The following ARHGEF6 variants were observed in gnomAD, a reference collection of about 807,000 sequenced individuals.
ARHGEF6 encodes Rac/Cdc42 guanine nucleotide exchange factor 6, also known as rho guanine nucleotide exchange factor 6.
In ARHGEF6, 9 loss-of-function variants were observed where a neutral mutation model predicts 70.3. The observed-to-expected ratio is 0.13, with a 90% CI of 0.08 to 0.22. The LOEUF is 0.22. Among genes scored for constraint, ARHGEF6 ranks in the 10% least tolerant of loss-of-function variants. ARHGEF6 has a pLI of 1.00. For missense variants in ARHGEF6, 470 were observed against 563.0 expected, an observed-to-expected ratio of 0.83 and a Z score of 1.67; for synonymous variants, 201 against 207.8, an observed-to-expected ratio of 0.97 and a Z score of 0.28.
At chrX:136,691,701 T>G (rs2076459994) in intron 9 of ARHGEF6, among the ~76,000 whole-genome samples, 1 of 111,876 alleles carries the variant, frequency 8.9e-6, no homozygotes, top group African/African-American at 3.2e-5. Flanking sequence ...ACTGCCTTAG[T>G]TCAGGATTTC....
At chrX:136,686,657 TAC>T (rs1211656819) in intron 11 of ARHGEF6, among the ~76,000 whole-genome samples, 1 of 81,855 alleles carries the variant, frequency 1.2e-5, no homozygotes, top group African/African-American at 4.7e-5. Context: ...CATATATATA[TAC>T]ACATGTGTAT....
chrX:136,745,181 T>G (rs767470250), intron 4 of ARHGEF6, 42 bp downstream of exon 4: 20 of 1,203,676 alleles, frequency 1.7e-5, no homozygotes, highest in Middle Eastern at 2.3e-4. Context: ...AATCTAATTT[T>G]ATGGATTTTA....
At position 136,772,936 on chromosome X, in the gene ARHGEF6, G is replaced by C. The variant is rs568354382; in HGVS notation, c.249+6478C>G. Reference sequence around the variant, plus strand: ...ATCAAGAAGGTGGTGGGGTGCTTCCGAGAGCACTTTGTTCCCAGATGTCTC... The same window carrying C: ...ATCAAGAAGGTGGTGGGGTGCTTCCCAGAGCACTTTGTTCCCAGATGTCTC... On this transcript the variant is annotated intron_variant, in intron 2 of 21. Transcript: ENST00000250617. 8.7e-4 allele frequency among the ~76,000 whole-genome samples: 97 copies of C among 111,792 alleles called. 1 individual carries two copies. In the South Asian group the frequency reaches 0.036, roughly 41 times the overall value.
rs182648033 is a variant in ARHGEF6 at position 136,732,464 on chromosome X, C to T, written c.662-292G>A. Among the ~76,000 whole-genome samples the T allele has an allele frequency of 1.3e-4, 15 of 112,288 alleles. No homozygotes were observed. The East Asian group carries it at 3.9e-3, about 29-fold the overall frequency. On this transcript the variant is annotated intron_variant, in intron 5 of 21. Coordinates refer to ENST00000250617, the MANE Select transcript of ARHGEF6 (RefSeq NM_004840.3). ...CTCCCAGTTGGGGTTTGTCTGCCCT[C>T]TCCATTCAACTTATTCAAAACAGAT...
In ARHGEF6 at chrX:136,668,092, A is replaced by G. The variant is rs149714610; in HGVS notation, c.2268T>C (p.Leu756=). The G allele has an allele frequency of 4.0e-5, 48 of 1,209,888 alleles. No individual in the cohort carries two copies. The African/African-American group carries it at 8.2e-4, about 21-fold the overall frequency. ...GAATACACTCATCTGTTTGCTTCAA[A>G]AGCCTCCGCACCAGCTTTTCTAGGT... ...RRDLEKLVRR[L]LKQTDECIRG... The change falls in exon 22 of 22, where the codon CTT becomes CTC. Residue 756 remains leucine, a synonymous_variant. Transcript: ENST00000250617.
chrX:136,730,309 T>C (rs1375126003), intron 6 of ARHGEF6, among the ~76,000 whole-genome samples: 1 of 111,413 alleles, frequency 9.0e-6, no homozygotes, highest in Admixed American at 9.5e-5. Context: ...AGATTTTTTT[T>C]ATTCAACACA....
intron 3 of ARHGEF6, among the ~76,000 whole-genome samples, 192 bp downstream of exon 3, chrX:136,747,316 A>G (rs1286839562): frequency 2.7e-5 from 3 of 111,364 alleles, no homozygotes; most frequent in Admixed American, 9.6e-5. Context: ...AATAACATCT[A>G]TGATAGGTAT....
chrX:136,696,655 A>C (rs896871063), intron 9 of ARHGEF6, among the ~76,000 whole-genome samples: 2 of 111,223 alleles, frequency 1.8e-5, no homozygotes, highest in African/African-American at 6.5e-5. Context: ...AATAAATAAA[A>C]TATCTAGAAG....
intron 2 of ARHGEF6, among the ~76,000 whole-genome samples, chrX:136,764,805 A>AT (rs1360900559): frequency 8.9e-6 from 1 of 112,171 alleles, no homozygotes; most frequent in Non-Finnish European, 1.9e-5. Flanking sequence ...TGATTTAAGC[A>AT]TTTTTTTAAA....
In ARHGEF6 at chrX:136,743,716, T is replaced by C; in HGVS notation, c.530A>G (p.Asp177Gly). Residue 177 changes from aspartate to glycine, a missense_variant, in exon 5 of 22, where the codon GAT (aspartate) becomes GGT (glycine). By Grantham distance (94) the Asp-to-Gly change is moderately conservative. Transcript: ENST00000250617. ...GTCCCCCTTACAAACTGACAGTTCA[T>C]CCTCATTAGTCTGCTTAAAGTTGAA... ...ARFNFKQTNE[D>G]ELSVCKGDII... 1 of 1,211,783 alleles carries C rather than the reference T, an allele frequency of 8.3e-7. No individual in the cohort carries two copies. Among genetic ancestry groups the C allele is most frequent in the South Asian group, 1.8e-5 (1 of 57,014 alleles).
At chrX:136,727,493 C>G (rs1158026055) in intron 6 of ARHGEF6, among the ~76,000 whole-genome samples, 2 of 100,567 alleles carry the variant, frequency 2.0e-5, no homozygotes, top group Non-Finnish European at 4.0e-5. Flanking sequence ...TTCTCTCCTT[C>G]TCTCTCTCTT....
chrX:136,689,607 G>C (rs2076438563), intron 10 of ARHGEF6, among the ~76,000 whole-genome samples: 1 of 111,975 alleles, frequency 8.9e-6, no homozygotes. Flanking sequence ...GCTCCCCACT[G>C]CCTCCGGCTT....
At chrX:136,740,497 A>G (rs1213319733) in intron 5 of ARHGEF6, among the ~76,000 whole-genome samples, 1 of 111,750 alleles carries the variant, frequency 8.9e-6, no homozygotes, top group Non-Finnish European at 1.9e-5. Context: ...AGCAACTCAG[A>G]CCTGTCCTTG....
At chrX:136,771,385 GC>G (rs1354270198) in intron 2 of ARHGEF6, among the ~76,000 whole-genome samples, 1 of 112,136 alleles carries the variant, frequency 8.9e-6, no homozygotes, top group African/African-American at 3.2e-5. Context: ...ATCCAGAATG[GC>G]CAAAGTGATT....
At chrX:136,686,736 A>C (rs867773223) in intron 11 of ARHGEF6, among the ~76,000 whole-genome samples, 2 of 75,746 alleles carry the variant, frequency 2.6e-5, no homozygotes, top group African/African-American at 4.8e-5. Context: ...ATATATATAT[A>C]TCTCACTGCT....
rs1374723724 is a variant in ARHGEF6 at position 136,780,726 on chromosome X, C to T, written c.157G>A (p.Val53Met). 5 of 1,209,353 alleles carry T rather than the reference C, an allele frequency of 4.1e-6. No individual in the cohort carries two copies. The highest frequency in any genetic ancestry group is 5.6e-6 in the Non-Finnish European group (5 of 894,803). The change falls in exon 1 of 22, where the codon GTG becomes ATG. Residue 53 changes from valine (V) to methionine (M), a missense_variant. Around this residue, in one of 3 missense-constraint regions of ARHGEF6, gnomAD observed 379 missense variants for 449.3 expected, o/e 0.84. Transcript: ENST00000250617. ...KLINRLMPGS[V>M]EKFCLDPQTE... ...CTGCAAATTTCCCTTACCTTTTCCA[C>T]AGAGCCAGGCATGAGTCTGTTGATC...
chrX:136,741,210 G>A (rs1376331781), intron 5 of ARHGEF6, among the ~76,000 whole-genome samples: 2 of 111,411 alleles, frequency 1.8e-5, no homozygotes, highest in Non-Finnish European at 3.8e-5. Context: ...AAAGAGAAGA[G>A]GAACTTTCAT....
At chrX:136,759,975 C>T (rs1213849888) in intron 2 of ARHGEF6, among the ~76,000 whole-genome samples, 1 of 112,196 alleles carries the variant, frequency 8.9e-6, no homozygotes, top group Non-Finnish European at 1.9e-5. Flanking sequence ...GGATGATCCA[C>T]ATCTCTAAGC....
chrX:136,736,630 T>C (rs1375062837), intron 5 of ARHGEF6, among the ~76,000 whole-genome samples: 2 of 111,061 alleles, frequency 1.8e-5, no homozygotes, highest in East Asian at 5.6e-4. Context: ...TGTGTGTGTG[T>C]GTGTGTGTGT....
Sources: allele counts gnomAD v4.1 joint callset (sites outside exome capture counted in the v4.1 genomes callset), GRCh38; gene constraint gnomAD v4.1.1; regional missense constraint gnomAD v4.1.1; transcripts MANE v1.5; gene names NCBI Gene and HGNC (gene_info 2026-07-23, HGNC 2026-07-21).